Variants in FTCDNL1 observed in about 807,000 individuals in gnomAD.
FTCDNL1 encodes formiminotransferase cyclodeaminase N-terminal like.
In FTCDNL1, 11 loss-of-function variants were observed where a neutral mutation model predicts 5.9. The observed-to-expected ratio is 1.87, with a 90% confidence interval of 1.18 to 3.10. FTCDNL1 has a LOEUF of 3.10. Among genes scored for constraint, FTCDNL1 ranks in the 30% most tolerant of loss-of-function variants. FTCDNL1 has a pLI of 0.00. For synonymous variants in FTCDNL1, 58 were observed against 24.8 expected (o/e 2.34, Z -3.99); for missense variants, 115 against 65.5 (o/e 1.76, Z -2.61).
At chr2:199,686,230 A>G in the FTCDNL1 span, among the ~76,000 whole-genome samples, 1 of 152,172 alleles carries the variant, frequency 6.6e-6, no homozygotes, top group Non-Finnish European at 1.5e-5. Flanking sequence ...TTTGTTATGC[A>G]CTATGATTAA....
At chr2:199,837,001 G>C (rs1702791435) in intron 3 of FTCDNL1, among the ~76,000 whole-genome samples, 1 of 152,204 alleles carries the variant, frequency 6.6e-6, no homozygotes, top group Non-Finnish European at 1.5e-5. Flanking sequence ...CACAGTAAGA[G>C]AAAAGAGTGC....
chr2:199,746,163 G>C, the FTCDNL1 span, among the ~76,000 whole-genome samples: 1 of 152,162 alleles, frequency 6.6e-6, no homozygotes, highest in Non-Finnish European at 1.5e-5. Flanking sequence ...TAAAGCAGGA[G>C]AATTTCTCAA....
chr2:199,773,486 T>C (rs1231185295), intron 3 of FTCDNL1, among the ~76,000 whole-genome samples: 1 of 152,126 alleles, frequency 6.6e-6, no homozygotes, highest in Non-Finnish European at 1.5e-5. Flanking sequence ...ATAGGTCCCT[T>C]TGGGGAAAAT....
At chr2:199,673,449 C>A in the FTCDNL1 span, among the ~76,000 whole-genome samples, 1 of 151,224 alleles carries the variant, frequency 6.6e-6, no homozygotes, top group East Asian at 1.9e-4. Flanking sequence ...AATATAATTT[C>A]TACTCTTATT....
intron 3 of FTCDNL1, among the ~76,000 whole-genome samples, chr2:199,803,278 A>G (rs1485793627): frequency 5.3e-5 from 8 of 152,120 alleles, no homozygotes; most frequent in African/African-American, 1.9e-4. Flanking sequence ...AAGATCTGGA[A>G]GAAGTCTCAG....
At chr2:199,735,726 T>C in the FTCDNL1 span, among the ~76,000 whole-genome samples, 1 of 152,212 alleles carries the variant, frequency 6.6e-6, no homozygotes, top group African/African-American at 2.4e-5. Context: ...AGCTGTGTTC[T>C]TCTCGCACTA....
the FTCDNL1 span, among the ~76,000 whole-genome samples, chr2:199,679,434 G>A: frequency 1.3e-5 from 2 of 151,978 alleles, no homozygotes; most frequent in Non-Finnish European, 2.9e-5. Flanking sequence ...AGGAGTATAT[G>A]CCTCTTCATT....
chr2:199,687,145 T>A, the FTCDNL1 span, among the ~76,000 whole-genome samples: 2 of 152,230 alleles, frequency 1.3e-5, no homozygotes, highest in African/African-American at 4.8e-5. Context: ...TATAAACTTT[T>A]ATCTTTAAAA....
the FTCDNL1 span, among the ~76,000 whole-genome samples, chr2:199,728,270 C>T: frequency 1.3e-5 from 2 of 149,122 alleles, no homozygotes; most frequent in African/African-American, 4.9e-5. Context: ...TTTTTTGAGA[C>T]GGGGTCTTGC....
the FTCDNL1 span, among the ~76,000 whole-genome samples, chr2:199,670,692 T>C: frequency 2.6e-5 from 4 of 152,148 alleles, no homozygotes; most frequent in Non-Finnish European, 1.5e-5. Flanking sequence ...ATACATCTTC[T>C]CTTGATCACT....
chr2:199,763,540 C>T (rs1439382614), intron 3 of FTCDNL1, among the ~76,000 whole-genome samples: 7 of 152,218 alleles, frequency 4.6e-5, no homozygotes, highest in Non-Finnish European at 7.3e-5. Context: ...TTTCCCCAAG[C>T]TCCCACTTAC....
the FTCDNL1 span, among the ~76,000 whole-genome samples, chr2:199,748,060 A>C: frequency 6.6e-6 from 1 of 152,224 alleles, no homozygotes; most frequent in African/African-American, 2.4e-5. Context: ...AAAGAGAACG[A>C]AGTCAACTTT....
chr2:199,793,750 C>T (rs573895634), intron 3 of FTCDNL1, among the ~76,000 whole-genome samples: 1 of 152,306 alleles, frequency 6.6e-6, no homozygotes, highest in Non-Finnish European at 1.5e-5. Flanking sequence ...GAACTCACAA[C>T]CACCCAGGCC....
the FTCDNL1 span, among the ~76,000 whole-genome samples, chr2:199,692,080 C>A: frequency 6.6e-6 from 1 of 152,106 alleles, no homozygotes; most frequent in African/African-American, 2.4e-5. Context: ...ACATACAAGA[C>A]CAAGAATGGC....
the FTCDNL1 span, among the ~76,000 whole-genome samples, chr2:199,734,443 A>G: frequency 6.6e-6 from 1 of 152,236 alleles, no homozygotes; most frequent in East Asian, 1.9e-4. Flanking sequence ...TGAATCAATT[A>G]CTAATGATTT....
the FTCDNL1 span, among the ~76,000 whole-genome samples, chr2:199,730,123 G>T: frequency 1.3e-5 from 2 of 152,182 alleles, no homozygotes; most frequent in Non-Finnish European, 2.9e-5. Flanking sequence ...TTTAATAAAT[G>T]GTGCTGGGAA....
At chr2:199,836,229 A>G (rs1702729351) in intron 3 of FTCDNL1, among the ~76,000 whole-genome samples, 1 of 152,150 alleles carries the variant, frequency 6.6e-6, no homozygotes, top group Non-Finnish European at 1.5e-5. Flanking sequence ...CAAGTAGCAC[A>G]TCATGGCTCA....
chr2:199,719,221 G>T, the FTCDNL1 span, among the ~76,000 whole-genome samples: 1 of 152,052 alleles, frequency 6.6e-6, no homozygotes, highest in Admixed American at 6.6e-5. Context: ...ATTGTATATG[G>T]TAAGAGGTAT....
At chr2:199,754,940 T>G in the FTCDNL1 span, among the ~76,000 whole-genome samples, 6 of 152,236 alleles carry the variant, frequency 3.9e-5, no homozygotes, top group African/African-American at 1.4e-4. Flanking sequence ...AGTCAAGCTT[T>G]GGAAATCTCT....
Sources: allele counts gnomAD v4.1 joint callset (sites outside exome capture counted in the v4.1 genomes callset), GRCh38; gene constraint gnomAD v4.1.1; transcripts MANE v1.5; gene names NCBI Gene and HGNC (gene_info 2026-07-23, HGNC 2026-07-21).